GNPAT: variants seen among roughly 807,000 people sequenced by gnomAD.
The protein encoded by GNPAT is glyceronephosphate O-acyltransferase.
In GNPAT, 30 loss-of-function variants were observed where a neutral mutation model predicts 78.4. The observed-to-expected ratio is 0.38, with a 90% confidence interval of 0.29 to 0.52. The LOEUF is 0.52. Among genes scored for constraint, GNPAT ranks in the 20% least tolerant of loss-of-function variants. GNPAT has a pLI of 0.84. For synonymous variants in GNPAT, 271 were observed against 281.1 expected (o/e 0.96, Z 0.36); for missense variants, 714 against 812.2 (o/e 0.88, Z 1.47).
intron 2 of GNPAT, among the ~76,000 whole-genome samples, chr1:231,254,612 T>C (rs1684994366): frequency 6.6e-6 from 1 of 151,742 alleles, no homozygotes. Flanking sequence ...CAGCTAATTT[T>C]TTTTTTTTTG....
At chr1:231,263,253 A>C (rs781349330) in intron 4 of GNPAT, among the ~76,000 whole-genome samples, 2 of 152,238 alleles carry the variant, frequency 1.3e-5, no homozygotes, top group African/African-American at 2.4e-5. Flanking sequence ...TCAAAAATAT[A>C]GTTCAGTGGC....
At chr1:231,254,716 A>G (rs887115444) in intron 2 of GNPAT, among the ~76,000 whole-genome samples, 4 of 150,600 alleles carry the variant, frequency 2.7e-5, no homozygotes, top group Non-Finnish European at 4.4e-5. Flanking sequence ...CCAAAGTGCT[A>G]CAATTATAGG....
intron 9 of GNPAT, among the ~76,000 whole-genome samples, chr1:231,269,050 G>A (rs1460316130): frequency 6.8e-6 from 1 of 147,238 alleles, no homozygotes; most frequent in Non-Finnish European, 1.5e-5. Context: ...CCAGGGATAT[G>A]AAGATGAACA....
chr1:231,254,322 T>C (rs915416418), intron 2 of GNPAT, among the ~76,000 whole-genome samples: 1 of 152,214 alleles, frequency 6.6e-6, no homozygotes, highest in Non-Finnish European at 1.5e-5. Context: ...TCTGTTTCCC[T>C]AGTGAACTGT....
rs896305915 is a variant in GNPAT, at chr1:231,249,551, G to A, written c.79-1410G>A. Reference sequence around the variant, plus strand: ...AGAGAAAATGAACTTTCCTACCTTCGAGATAATTTCATTTTAGTAGGGAGA... The same window carrying A: ...AGAGAAAATGAACTTTCCTACCTTCAAGATAATTTCATTTTAGTAGGGAGA... On this transcript the variant is annotated intron_variant, in intron 1 of 15. Transcript: ENST00000366647. Among the ~76,000 whole-genome samples, 4 of 152,154 alleles carry A rather than the reference G, an allele frequency of 2.6e-5. No homozygotes were observed. In the East Asian group the frequency reaches 5.8e-4, roughly 22 times the overall value.
chr1:231,250,828 C>T (rs1489112225), intron 1 of GNPAT, 133 bp from the exon 2 acceptor site: 2 of 645,238 alleles, frequency 3.1e-6, no homozygotes, highest in Non-Finnish European at 2.8e-6. Flanking sequence ...GAAAATCTAA[C>T]ATCAGAACAC....
rs999275392 is a variant in GNPAT at position 231,275,492 on chromosome 1, A to C, written c.1931A>C (p.Lys644Thr). 1.9e-6 allele frequency: 3 copies of C among 1,568,102 alleles called. No homozygotes were observed. In the African/African-American group the frequency reaches 4.1e-5, roughly 21 times the overall value. ...ACVRLGVVEK[K>T]KINNNCIFNV... ...GTGAGGCTCGGAGTAGTGGAGAAGA[A>C]GAAGATGTAAGTACTGTACAAGATC... Residue 644 changes from lysine to threonine, a missense_variant, in exon 14 of 16, where the codon AAG becomes ACG. By Grantham distance (78) the Lys-to-Thr change is moderately conservative. Coordinates refer to ENST00000366647, the MANE Select transcript of GNPAT (RefSeq NM_014236.4).
Position 231,265,778 on chromosome 1 carries a change from C to G in GNPAT, c.763C>G (p.Pro255Ala). Residue 255 changes from proline (P) to alanine (A), a missense_variant, in exon 6 of 16, where the codon CCT (proline) becomes GCT (alanine). Physicochemically the swap from Pro to Ala is conservative, Grantham distance 27 (BLOSUM62 -1). Transcript: ENST00000366647. Reference sequence around the variant, plus strand: ...AAGCCGCTCTGCCAAGACATTGACTCCTAAATTTGGTAGGTCACTACAGAT... The same window carrying G: ...AAGCCGCTCTGCCAAGACATTGACTGCTAAATTTGGTAGGTCACTACAGAT... ...TRSRSAKTLT[P>A]KFGLLNIVME... 1 of 1,589,798 alleles carries G rather than the reference C, an allele frequency of 6.3e-7. No individual in the cohort carries two copies. The highest frequency in any genetic ancestry group is 8.6e-7 in the Non-Finnish European group (1 of 1,157,852).
intron 4 of GNPAT, 141 bp from the exon 5 acceptor site, chr1:231,265,152 G>A: frequency 4.3e-6 from 3 of 694,470 alleles, no homozygotes; most frequent in Non-Finnish European, 7.4e-6. Context: ...CAGGAAGTTT[G>A]TGACCAACCT....
At chr1:231,254,838 G>A (rs890919876) in intron 2 of GNPAT, among the ~76,000 whole-genome samples, 1 of 149,922 alleles carries the variant, frequency 6.7e-6, no homozygotes, top group African/African-American at 2.5e-5. Context: ...TGCAATCTCC[G>A]CCTCCCAGGT....
rs1434339816 is a variant in GNPAT, at chr1:231,266,025, A to G, written c.784A>G (p.Ile262Val). ...CCTGTGTTTTGCAGGTCTTCTGAAT[A>G]TTGTGATGGAGCCATTTTTTAAAAG... The part of the protein sequence containing the change: ...TLTPKFGLLN[I>V]VMEPFFKREV... The change falls in exon 7 of 16, where the codon ATT becomes GTT. Residue 262 changes from isoleucine to valine, a missense_variant. Coordinates refer to ENST00000366647, the MANE Select transcript of GNPAT (RefSeq NM_014236.4). 1 of 1,612,400 alleles carries G rather than the reference A, an allele frequency of 6.2e-7. No homozygotes were observed. The highest frequency in any genetic ancestry group is 1.1e-5 in the South Asian group (1 of 91,048).
chr1:231,271,274 A>T (rs1225044681), intron 10 of GNPAT, among the ~76,000 whole-genome samples: 1 of 152,248 alleles, frequency 6.6e-6, no homozygotes, highest in African/African-American at 2.4e-5. Context: ...AGGATCTGGC[A>T]TTTGAGTACA....
chr1:231,267,608 TAG>T (rs2102819912), intron 8 of GNPAT, 70 bp from the exon 9 acceptor site: 5 of 898,034 alleles, frequency 5.6e-6, no homozygotes, highest in Admixed American at 1.7e-5. Flanking sequence ...CTAAAACGTC[TAG>T]AGTCTTTTTC....
At position 231,244,779 on chromosome 1, in the gene GNPAT, G is replaced by A. The variant is rs368615943; in HGVS notation, c.78+3323G>A. 4.5e-4 allele frequency among the ~76,000 whole-genome samples: 68 copies of A among 152,190 alleles called. No homozygotes were observed. In the South Asian group the frequency reaches 0.013, roughly 30 times the overall value. ...CATGTAGGTTGTATCTATAGCATTC[G>A]GTGAGCCTGAAATCATTCAGTGAGA... On this transcript the variant is annotated intron_variant, in intron 1 of 15. Transcript: ENST00000366647.
At chr1:231,242,804 T>C (rs1684648746) in intron 1 of GNPAT, among the ~76,000 whole-genome samples, 1 of 152,262 alleles carries the variant, frequency 6.6e-6, no homozygotes, top group Non-Finnish European at 1.5e-5. Flanking sequence ...TTAATAAGAC[T>C]TGAGTCCACT....
chr1:231,271,983 C>G (rs1481461834), intron 10 of GNPAT, among the ~76,000 whole-genome samples: 1 of 152,268 alleles, frequency 6.6e-6, no homozygotes, highest in East Asian at 1.9e-4. Flanking sequence ...GCCTGTAATC[C>G]CAGCTACTTG....
intron 3 of GNPAT, among the ~76,000 whole-genome samples, chr1:231,261,501 G>A (rs1357956987): frequency 6.6e-6 from 1 of 152,144 alleles, no homozygotes; most frequent in African/African-American, 2.4e-5. Context: ...GTGCCTGTCG[G>A]TTTCATTACT....
chr1:231,273,846 G>A, intron 11 of GNPAT, 76 bp from the exon 12 acceptor site: 1 of 1,150,374 alleles, frequency 8.7e-7, no homozygotes, highest in Non-Finnish European at 1.3e-6. Flanking sequence ...TAACCTAGAT[G>A]AGGGGGTACA....
intron 4 of GNPAT, among the ~76,000 whole-genome samples, chr1:231,264,573 A>G (rs1248989347): frequency 6.6e-6 from 1 of 152,254 alleles, no homozygotes; most frequent in Non-Finnish European, 1.5e-5. Flanking sequence ...TAAGCACTTT[A>G]AAAGCATTTT....
Sources: gnomAD v4.1 joint callset for allele counts (sites outside exome capture counted in the v4.1 genomes callset) on GRCh38, gnomAD v4.1.1 for gene constraint, MANE v1.5 for transcripts, NCBI Gene and HGNC (gene_info 2026-07-23, HGNC 2026-07-21) for gene names.